Variants in SLC2A13 observed in about 807,000 individuals in gnomAD.
SLC2A13 encodes the protein solute carrier family 2 member 13, also known as proton myo-inositol cotransporter.
SLC2A13 carries 32 observed loss-of-function variants against 64.4 expected under a neutral mutation model. The observed-to-expected ratio is 0.50, with a 90% CI of 0.37 to 0.67. The LOEUF is 0.67. Among genes scored for constraint, SLC2A13 ranks in the 30% least tolerant of loss-of-function variants. The probability of loss-of-function intolerance (pLI) is 0.00; values close to 1 mark genes in which losing one functional copy is unlikely to be tolerated. For missense variants in SLC2A13, 743 were observed against 829.2 expected, an observed-to-expected ratio of 0.90 and a Z score of 1.28; for synonymous variants, 338 against 327.1, an observed-to-expected ratio of 1.03 and a Z score of -0.36.
At chr12:39,864,637 C>A in intron 6 of SLC2A13, 125 bp downstream of exon 6, 2 of 1,300,018 alleles carry the variant, frequency 1.5e-6, no homozygotes, top group South Asian at 1.6e-5. Flanking sequence ...CCATTTTCTT[C>A]CCTTCTTACA....
intron 3 of SLC2A13, among the ~76,000 whole-genome samples, chr12:40,011,298 C>A (rs886278872): frequency 1.3e-5 from 2 of 152,126 alleles, no homozygotes; most frequent in African/African-American, 4.8e-5. Flanking sequence ...ATTCCCTGAG[C>A]TGTGACAATC....
intron 4 of SLC2A13, among the ~76,000 whole-genome samples, chr12:39,918,518 A>G (rs1216774993): frequency 6.6e-6 from 1 of 152,078 alleles, no homozygotes; most frequent in Non-Finnish European, 1.5e-5. Context: ...AAAACAAAAC[A>G]TGTTATAGGG....
chr12:39,811,457 C>T (rs901018390), intron 7 of SLC2A13, among the ~76,000 whole-genome samples: 3 of 151,872 alleles, frequency 2.0e-5, no homozygotes, highest in Non-Finnish European at 2.9e-5. Context: ...TATAAGTTTG[C>T]TGTTAAGTAT....
intron 4 of SLC2A13, among the ~76,000 whole-genome samples, chr12:39,896,576 G>GTGTATACATGTATACATATATGTATGTA (rs1565528999): frequency 2.0e-5 from 2 of 97,566 alleles, no homozygotes; most frequent in East Asian, 1.1e-3. Context: ...ATGTATGTAT[G>GTGTATACATGTATACATATATGTATGTA]TGTGTATATA....
At chr12:40,016,862 C>T (rs1947629929) in intron 3 of SLC2A13, among the ~76,000 whole-genome samples, 1 of 151,998 alleles carries the variant, frequency 6.6e-6, no homozygotes, top group Admixed American at 6.6e-5. Context: ...TTTCGATGGG[C>T]CCAACATGTT....
intron 4 of SLC2A13, among the ~76,000 whole-genome samples, chr12:39,943,808 T>A (rs1351435221): frequency 1.3e-5 from 2 of 152,194 alleles, no homozygotes; most frequent in African/African-American, 4.8e-5. Context: ...TCCCACGGTC[T>A]TTGCAAACCG....
In SLC2A13 at chr12:40,085,284, A is replaced by C. The variant is rs560171074; in HGVS notation, c.556+19969T>G. On this transcript the variant is annotated intron_variant, in intron 1 of 9. Coordinates refer to ENST00000280871, the MANE Select transcript of SLC2A13 (RefSeq NM_052885.4). ...TTTTCTGATTTCTGTGAACCACCCT[A>C]GAAAATTAATATAACCCAAAAAAGG... 1.2e-4 allele frequency among the ~76,000 whole-genome samples: 19 copies of C among 152,340 alleles called. No individual in the cohort carries two copies. In the East Asian group the frequency reaches 3.5e-3, roughly 28 times the overall value.
At chr12:39,942,084 C>A (rs1424312774) in intron 4 of SLC2A13, among the ~76,000 whole-genome samples, 1 of 152,174 alleles carries the variant, frequency 6.6e-6, no homozygotes, top group East Asian at 1.9e-4. Flanking sequence ...ATTTTTATAC[C>A]AGTACCATGC....
chr12:39,796,435 A>C (rs1258939115), intron 7 of SLC2A13, among the ~76,000 whole-genome samples: 1 of 151,814 alleles, frequency 6.6e-6, no homozygotes, highest in Non-Finnish European at 1.5e-5. Flanking sequence ...AAAAAAAAAA[A>C]AAAAAAAACC....
At chr12:39,983,979 C>G (rs1332339312) in intron 3 of SLC2A13, among the ~76,000 whole-genome samples, 1 of 150,652 alleles carries the variant, frequency 6.6e-6, no homozygotes, top group Non-Finnish European at 1.5e-5. Flanking sequence ...CACATATACA[C>G]CATGGAATAC....
At chr12:39,990,514 G>A (rs1947116811) in intron 3 of SLC2A13, among the ~76,000 whole-genome samples, 1 of 152,168 alleles carries the variant, frequency 6.6e-6, no homozygotes, top group Non-Finnish European at 1.5e-5. Context: ...TGGCTGTACT[G>A]TATTCTGGGG....
chr12:39,967,469 G>A lies in SLC2A13; in HGVS notation c.926-16104C>T, dbSNP rs181358088. 7.2e-4 allele frequency among the ~76,000 whole-genome samples: 109 copies of A among 152,230 alleles called. 1 individual carries two copies. The highest frequency in any genetic ancestry group is 1.9e-3 in the African/African-American group (81 of 41,542). On this transcript the variant is annotated intron_variant, in intron 3 of 9. Transcript: ENST00000280871. The stretch of plus-strand genomic sequence containing the variant: ...GACACCAAGATTCTATAACTCTACT[G>A]AATGAAACTATTCTAGCAACATTTA...
intron 7 of SLC2A13, among the ~76,000 whole-genome samples, chr12:39,793,500 A>C (rs1941475956): frequency 6.6e-6 from 1 of 152,110 alleles, no homozygotes; most frequent in African/African-American, 2.4e-5. Flanking sequence ...AACCACAACA[A>C]CATTATTCCC....
At chr12:39,775,708 G>A (rs896527856) in intron 7 of SLC2A13, among the ~76,000 whole-genome samples, 2 of 152,188 alleles carry the variant, frequency 1.3e-5, no homozygotes, top group South Asian at 4.1e-4. Flanking sequence ...CAGAGAATAA[G>A]TTATATGGAT....
At chr12:39,776,349 T>C (rs1308717015) in intron 7 of SLC2A13, among the ~76,000 whole-genome samples, 1 of 152,078 alleles carries the variant, frequency 6.6e-6, no homozygotes, top group East Asian at 1.9e-4. Flanking sequence ...CAAGCACAAG[T>C]GGTAGTGCTC....
chr12:39,848,609 G>A (rs529257848), intron 6 of SLC2A13, among the ~76,000 whole-genome samples: 161 of 152,288 alleles, frequency 1.1e-3, no homozygotes, highest in African/African-American at 3.7e-3. Flanking sequence ...GTGGAAAGCA[G>A]TATGGCAATT....
intron 4 of SLC2A13, among the ~76,000 whole-genome samples, chr12:39,920,144 C>G (rs1032358942): frequency 2.0e-5 from 3 of 152,088 alleles, no homozygotes; most frequent in Non-Finnish European, 4.4e-5. Context: ...CACCCCACCA[C>G]AATTAAAATT....
intron 3 of SLC2A13, among the ~76,000 whole-genome samples, chr12:39,996,322 T>C (rs1947229641): frequency 6.6e-6 from 1 of 152,180 alleles, no homozygotes; most frequent in Admixed American, 6.5e-5. Context: ...GTGACTTGGG[T>C]GCTGTTAAAG....
At chr12:40,091,882 T>C (rs1236565941) in intron 1 of SLC2A13, among the ~76,000 whole-genome samples, 1 of 152,230 alleles carries the variant, frequency 6.6e-6, no homozygotes, top group African/African-American at 2.4e-5. Context: ...GAGCATGTGC[T>C]AATAAGCAGC....
Sources: allele counts gnomAD v4.1 joint callset (sites outside exome capture counted in the v4.1 genomes callset), GRCh38; gene constraint gnomAD v4.1.1; transcripts MANE v1.5; gene names NCBI Gene and HGNC (gene_info 2026-07-23, HGNC 2026-07-21).